WDR7: variants seen among roughly 807,000 people sequenced by gnomAD.
The protein encoded by WDR7 is WD repeat-containing protein 7.
In WDR7, 46 loss-of-function variants were observed where a neutral mutation model predicts 169.4. That is an observed-to-expected ratio of 0.27 (90% CI 0.21 to 0.35). The LOEUF (loss-of-function observed/expected upper bound fraction) is 0.35, where lower values mean the gene tolerates loss of function less well. Ranked by LOEUF, WDR7 falls within the 10% of genes least tolerant of loss-of-function variation. The probability of loss-of-function intolerance (pLI) is 1.00; values close to 1 mark genes in which losing one functional copy is unlikely to be tolerated. For synonymous variants in WDR7, 612 were observed against 666.8 expected, an observed-to-expected ratio of 0.92 and a Z score of 1.27; for missense variants, 1,534 against 1,859.3, an observed-to-expected ratio of 0.83 and a Z score of 3.22.
chr18:56,701,274 A>G (rs1326972712), intron 12 of WDR7, among the ~76,000 whole-genome samples: 1 of 152,202 alleles, frequency 6.6e-6, no homozygotes, highest in Non-Finnish European at 1.5e-5. Flanking sequence ...GGTTTGACTA[A>G]CTACATATTG....
chr18:56,949,262 A>G (rs901821933), intron 25 of WDR7, among the ~76,000 whole-genome samples: 1 of 152,092 alleles, frequency 6.6e-6, no homozygotes, highest in African/African-American at 2.4e-5. Flanking sequence ...TGAAGACCTG[A>G]GTTTTTGTTT....
At chr18:57,018,620 A>G (rs367633352) in intron 26 of WDR7, among the ~76,000 whole-genome samples, 1 of 152,224 alleles carries the variant, frequency 6.6e-6, no homozygotes, top group East Asian at 1.9e-4. Flanking sequence ...GATCTGATCA[A>G]TTAGAAAGAT....
At chr18:56,799,773 A>G (rs917775876) in intron 19 of WDR7, among the ~76,000 whole-genome samples, 2 of 152,176 alleles carry the variant, frequency 1.3e-5, no homozygotes, top group African/African-American at 2.4e-5. Flanking sequence ...AGTGGTTGCA[A>G]AATCAAATAT....
chr18:56,830,257 A>G (rs1197504886), intron 20 of WDR7, among the ~76,000 whole-genome samples: 2 of 152,224 alleles, frequency 1.3e-5, no homozygotes, highest in East Asian at 3.8e-4. Flanking sequence ...TCATCATAAA[A>G]TGACATTTAT....
At chr18:56,959,121 T>C (rs1481943185) in intron 25 of WDR7, among the ~76,000 whole-genome samples, 1 of 152,024 alleles carries the variant, frequency 6.6e-6, no homozygotes, top group East Asian at 1.9e-4. Flanking sequence ...AACAGAGATG[T>C]AAATGAAGTG....
chr18:56,808,955 G>A (rs1045507216), intron 19 of WDR7, among the ~76,000 whole-genome samples: 5 of 152,074 alleles, frequency 3.3e-5, no homozygotes, highest in African/African-American at 4.8e-5. Context: ...TCTAGATGGC[G>A]TGAGGATCTC....
At chr18:56,843,857 CTTT>C (rs776575088) in intron 20 of WDR7, among the ~76,000 whole-genome samples, 16 of 134,316 alleles carry the variant, frequency 1.2e-4, no homozygotes, top group African/African-American at 2.6e-4. Context: ...TTTTTTCTTT[CTTT>C]TTTTTTTTTT....
intron 21 of WDR7, chr18:56,890,924 A>C (rs1281863506): frequency 6.6e-6 from 1 of 152,158 alleles, no homozygotes; most frequent in Non-Finnish European, 1.5e-5. Flanking sequence ...ATGTACTCAA[A>C]TCACTTGCAG....
chr18:56,710,785 T>C (rs1399781674), intron 12 of WDR7, among the ~76,000 whole-genome samples: 1 of 152,182 alleles, frequency 6.6e-6, no homozygotes, highest in Non-Finnish European at 1.5e-5. Flanking sequence ...TCTACATCTT[T>C]AAAAATGGAA....
At chr18:57,009,744 A>G in intron 26 of WDR7, 1 of 632,674 alleles carries the variant, frequency 1.6e-6, no homozygotes, top group Non-Finnish European at 2.0e-6. Flanking sequence ...CTCTTTTCAG[A>G]ATGGTGAAAA....
chr18:56,732,893 G>C (rs1259338282), intron 14 of WDR7, among the ~76,000 whole-genome samples: 1 of 152,154 alleles, frequency 6.6e-6, no homozygotes, highest in Non-Finnish European at 1.5e-5. Context: ...GAGCATGCAT[G>C]CATGTGGTGT....
rs72536223 is a variant in WDR7 at position 57,024,691 on chromosome 18, GA to G, written c.4270-2311del. ...TTCTCAGACAGGAATAGGGATATGT[GA>G]ACTATGATAGTTATGTCCCTTACAG... On this transcript the variant is annotated intron_variant, in intron 27 of 27. Transcript: ENST00000254442. 1.3e-3 allele frequency among the ~76,000 whole-genome samples: 154 copies of G among 116,618 alleles called. 11 individuals carry two copies. Among genetic ancestry groups the G allele is most frequent in the African/African-American group, 3.1e-3 (70 of 22,786 alleles). The allele number at this position is 116,618 out of a possible 152,430, so 76.5% of individuals were successfully genotyped here. A position where few individuals can be genotyped will look rare whatever the true frequency, so the allele number is the denominator to read the frequency against.
Position 57,029,782 on chromosome 18 carries a change from A to G in WDR7, c.*2575A>G, listed in dbSNP as rs1455127240. 2 of 152,196 alleles carry G rather than the reference A, an allele frequency of 1.3e-5. No homozygotes were observed. Among genetic ancestry groups the G allele is most frequent in the Middle Eastern group, 3.2e-3 (1 of 316 alleles). The allele number at this position is 152,196 out of a possible 1,614,324, so 9.4% of individuals were successfully genotyped here. A position where few individuals can be genotyped will look rare whatever the true frequency, so the allele number is the denominator to read the frequency against. On this transcript the variant is annotated 3_prime_UTR_variant, in exon 28 of 28. Coordinates refer to ENST00000254442, the MANE Select transcript of WDR7 (RefSeq NM_015285.3). ...GTACATATGTGTGTTAAATAAAACA[A>G]TTGTATTGAAGACTGTTTTTCTCAC...
At chr18:56,957,092 A>G (rs1217229178) in intron 25 of WDR7, among the ~76,000 whole-genome samples, 1 of 152,166 alleles carries the variant, frequency 6.6e-6, no homozygotes, top group Non-Finnish European at 1.5e-5. Flanking sequence ...CTAAGTTCCC[A>G]TCAGAAAAAG....
At chr18:56,686,098 GAT>G (rs1282713940) in intron 6 of WDR7, 66 bp downstream of exon 6, 61 of 1,314,786 alleles carry the variant, frequency 4.6e-5, no homozygotes, top group Admixed American at 1.3e-4. Flanking sequence ...TTTTAGTAAT[GAT>G]ATGCCCCTTC....
At chr18:56,840,967 G>GA (rs1321454651) in intron 20 of WDR7, among the ~76,000 whole-genome samples, 1 of 151,976 alleles carries the variant, frequency 6.6e-6, no homozygotes, top group Non-Finnish European at 1.5e-5. Flanking sequence ...AGACAGGGGG[G>GA]ATCACATGAG....
chr18:56,983,471 A>G (rs2047673119), intron 26 of WDR7, among the ~76,000 whole-genome samples: 1 of 152,154 alleles, frequency 6.6e-6, no homozygotes, highest in African/African-American at 2.4e-5. Flanking sequence ...CCAGTCATAA[A>G]TGTAGAGTCC....
At chr18:56,991,098 T>C (rs2047807100) in intron 26 of WDR7, among the ~76,000 whole-genome samples, 1 of 151,564 alleles carries the variant, frequency 6.6e-6, no homozygotes, top group South Asian at 2.1e-4. Flanking sequence ...ACACAACTTA[T>C]GAAGATAGCA....
intron 19 of WDR7, among the ~76,000 whole-genome samples, chr18:56,814,169 T>C (rs749685015): frequency 6.6e-6 from 1 of 152,218 alleles, no homozygotes; most frequent in Non-Finnish European, 1.5e-5. Context: ...TCTGATTAAA[T>C]GAGATAAATG....
Sources: gnomAD v4.1 joint callset for allele counts (sites outside exome capture counted in the v4.1 genomes callset) on GRCh38, gnomAD v4.1.1 for gene constraint, MANE v1.5 for transcripts, NCBI Gene and HGNC (gene_info 2026-07-23, HGNC 2026-07-21) for gene names.